The following KCTD8 variants were observed in gnomAD, a reference collection of about 807,000 sequenced individuals.
KCTD8 encodes potassium channel tetramerization domain containing 8.
A neutral mutation model predicts 31.5 loss-of-function variants in KCTD8; 27 were observed. The observed-to-expected ratio is 0.86, with a 90% CI of 0.63 to 1.18. The LOEUF (loss-of-function observed/expected upper bound fraction) is 1.18. Ranked by LOEUF, KCTD8 falls within the 50% of genes most tolerant of loss-of-function variation. KCTD8 has a pLI of 0.00. For synonymous variants in KCTD8, 290 were observed against 280.0 expected (o/e 1.04, Z -0.36); for missense variants, 658 against 647.7 (o/e 1.02, Z -0.17).
At chr4:44,276,372 C>A (rs1716751071) in intron 1 of KCTD8, among the ~76,000 whole-genome samples, 3 of 151,906 alleles carry the variant, frequency 2.0e-5, no homozygotes, top group African/African-American at 7.2e-5. Context: ...GAAATTAATA[C>A]AGAGAATTCT....
intron 1 of KCTD8, among the ~76,000 whole-genome samples, chr4:44,197,073 C>T (rs149051890): frequency 1.2e-4 from 19 of 152,246 alleles, no homozygotes; most frequent in Non-Finnish European, 2.2e-4. Flanking sequence ...TGTGGTCAGG[C>T]ACAGCTCTGT....
At chr4:44,427,029 A>T (rs1313376881) in intron 1 of KCTD8, among the ~76,000 whole-genome samples, 4 of 151,748 alleles carry the variant, frequency 2.6e-5, no homozygotes, top group Admixed American at 1.3e-4. Context: ...ATACTAGTAG[A>T]CTAACAAAGA....
chr4:44,351,105 C>A (rs188621208), intron 1 of KCTD8, among the ~76,000 whole-genome samples: 1 of 152,234 alleles, frequency 6.6e-6, no homozygotes, highest in African/African-American at 2.4e-5. Flanking sequence ...TTACCGTGCT[C>A]TGTCTTCACA....
chr4:44,421,842 T>C (rs969550512), intron 1 of KCTD8, among the ~76,000 whole-genome samples: 1 of 152,080 alleles, frequency 6.6e-6, no homozygotes, highest in Non-Finnish European at 1.5e-5. Flanking sequence ...GCCCAGAATT[T>C]TTATGGAAAA....
rs751142804 is a variant in KCTD8, at chr4:44,447,881, C to G, written c.643G>C (p.Gly215Arg). 11 of 1,543,412 alleles carry G rather than the reference C, an allele frequency of 7.1e-6. No individual in the cohort carries two copies. Among genetic ancestry groups the G allele is most frequent in the South Asian group, 3.6e-5 (3 of 83,286 alleles). The change falls in exon 1 of 2, where the codon GGC becomes CGC. Residue 215 changes from glycine (G) to arginine (R), a missense_variant. Coordinates refer to ENST00000360029, the MANE Select transcript of KCTD8 (RefSeq NM_198353.3). ...TTGTCGCGCACGGTGGTGTAGGAGC[C>G]CCGGTAGCCCAGCGTGAGGAAGCCC... Reference protein sequence around the residue: ...RSGFLTLGYRGSYTTVRDNQA... With the variant: ...RSGFLTLGYRRSYTTVRDNQA...
intron 1 of KCTD8, among the ~76,000 whole-genome samples, chr4:44,319,547 T>C (rs1718233430): frequency 6.6e-6 from 1 of 151,798 alleles, no homozygotes; most frequent in Non-Finnish European, 1.5e-5. Context: ...AAATATAAAA[T>C]AATAGATAAA....
chr4:44,407,796 G>C (rs182827765), intron 1 of KCTD8, among the ~76,000 whole-genome samples: 2 of 152,216 alleles, frequency 1.3e-5, no homozygotes, highest in South Asian at 2.1e-4. Context: ...TTTCCAGTGT[G>C]TTACTGGGGA....
At chr4:44,447,436 C>A in intron 1 of KCTD8, 127 bp downstream of exon 1, 1 of 1,369,632 alleles carries the variant, frequency 7.3e-7, no homozygotes, top group Non-Finnish European at 9.5e-7. Flanking sequence ...CAGGGAGAGC[C>A]GCTCTCTATA....
At chr4:44,327,142 G>C (rs1298150204) in intron 1 of KCTD8, among the ~76,000 whole-genome samples, 1 of 151,648 alleles carries the variant, frequency 6.6e-6, no homozygotes, top group East Asian at 1.9e-4. Context: ...AAAGTCAGAG[G>C]TCAAAAGACA....
At chr4:44,222,898 C>T (rs1432908886) in intron 1 of KCTD8, among the ~76,000 whole-genome samples, 11 of 152,122 alleles carry the variant, frequency 7.2e-5, no homozygotes, top group Admixed American at 2.0e-4. Flanking sequence ...TAAACAGTGG[C>T]CCTGAAACTA....
chr4:44,360,064 G>A (rs988230319), intron 1 of KCTD8, among the ~76,000 whole-genome samples: 1 of 151,938 alleles, frequency 6.6e-6, no homozygotes, highest in Admixed American at 6.6e-5. Context: ...GACTAGGAAT[G>A]ATTCAGTAAA....
At chr4:44,286,046 A>G (rs1363602322) in intron 1 of KCTD8, among the ~76,000 whole-genome samples, 2 of 152,082 alleles carry the variant, frequency 1.3e-5, no homozygotes, top group African/African-American at 4.8e-5. Flanking sequence ...TCTTATCTCA[A>G]TGGTCACATC....
At chr4:44,370,869 T>G (rs772553492) in intron 1 of KCTD8, among the ~76,000 whole-genome samples, 7 of 152,108 alleles carry the variant, frequency 4.6e-5, no homozygotes, top group Non-Finnish European at 8.8e-5. Context: ...GCTCCTATAT[T>G]AGTCAAGGTT....
chr4:44,319,783 T>C (rs991238019), intron 1 of KCTD8, among the ~76,000 whole-genome samples: 1 of 152,016 alleles, frequency 6.6e-6, no homozygotes, highest in South Asian at 2.1e-4. Context: ...AAACTGGAAG[T>C]TGCAAATTAT....
intron 1 of KCTD8, among the ~76,000 whole-genome samples, chr4:44,295,376 G>C (rs563631183): frequency 6.6e-6 from 1 of 152,186 alleles, no homozygotes; most frequent in East Asian, 1.9e-4. Context: ...TAAAATGCTG[G>C]CAATGTTTGG....
At chr4:44,228,908 CT>C in intron 1 of KCTD8, among the ~76,000 whole-genome samples, 1 of 152,176 alleles carries the variant, frequency 6.6e-6, no homozygotes, top group South Asian at 2.1e-4. Flanking sequence ...ATTTTCTAAC[CT>C]TTTTTTGTAT....
At chr4:44,442,720 A>T (rs1224537550) in intron 1 of KCTD8, among the ~76,000 whole-genome samples, 5 of 151,838 alleles carry the variant, frequency 3.3e-5, no homozygotes, top group African/African-American at 1.2e-4. Flanking sequence ...ATAATTAAAT[A>T]CTGGTTTTAT....
In KCTD8 at chr4:44,448,684, G is replaced by C; in HGVS notation, c.-161C>G. The C allele has an allele frequency of 1.6e-6, 1 of 642,326 alleles. No homozygotes were observed. The highest frequency in any genetic ancestry group is 2.2e-6 in the Non-Finnish European group (1 of 450,134). 39.8% of individuals were successfully genotyped at this position (642,326 alleles called of 1,614,324 possible). On this transcript the variant is annotated 5_prime_UTR_variant, in exon 1 of 2. Coordinates refer to ENST00000360029, the MANE Select transcript of KCTD8 (RefSeq NM_198353.3). This position sits in a 1 kb window ranked among gnomAD's most constrained non-coding sequence, Gnocchi z 4.1. ...CCCGCTCAGGGTTCGGGGCAGCGGCGGCGTCGGCGGCGCCCGAGCTCCATC... is the reference window on the plus strand; with the variant it reads ...CCCGCTCAGGGTTCGGGGCAGCGGCCGCGTCGGCGGCGCCCGAGCTCCATC...
At chr4:44,327,330 T>C (rs887756057) in intron 1 of KCTD8, among the ~76,000 whole-genome samples, 7 of 151,898 alleles carry the variant, frequency 4.6e-5, no homozygotes, top group African/African-American at 7.3e-5. Flanking sequence ...ATCTACTTTT[T>C]TACCCCCAGG....
Sources: gnomAD v4.1 joint callset for allele counts (sites outside exome capture counted in the v4.1 genomes callset) on GRCh38, gnomAD v4.1.1 for gene constraint, Gnocchi (gnomAD v3.1) non-coding constraint, MANE v1.5 for transcripts, NCBI Gene and HGNC (gene_info 2026-07-23, HGNC 2026-07-21) for gene names.